The following BTBD9 variants were observed in gnomAD, a reference collection of about 807,000 sequenced individuals.
The protein encoded by BTBD9 is BTB/POZ domain-containing protein 9.
A neutral mutation model predicts 64.3 loss-of-function variants in BTBD9; 49 were observed. The observed-to-expected ratio is 0.76, with a 90% confidence interval of 0.61 to 0.97. The LOEUF (loss-of-function observed/expected upper bound fraction) is 0.97, where lower values mean the gene tolerates loss of function less well. BTBD9 is among the 50% of genes least tolerant of loss of function. The pLI, the probability that BTBD9 is intolerant of heterozygous loss-of-function variation, is 0.00. For missense variants in BTBD9, 598 were observed against 762.1 expected (o/e 0.78, Z 2.53); for synonymous variants, 260 against 274.7 (o/e 0.95, Z 0.53).
intron 6 of BTBD9, among the ~76,000 whole-genome samples, chr6:38,509,778 T>G (rs894086517): frequency 6.6e-6 from 1 of 152,194 alleles, no homozygotes; most frequent in Non-Finnish European, 1.5e-5. Flanking sequence ...GCAGCCTCAG[T>G]ATATATTTGT....
intron 6 of BTBD9, among the ~76,000 whole-genome samples, chr6:38,412,869 C>A (rs373557594): frequency 0.31 from 42,604 of 138,426 alleles, 6,376 homozygotes; most frequent in Non-Finnish European, 0.35. Context: ...AAAACAACAA[C>A]AACAACAACA....
chr6:38,525,389 G>A lies in BTBD9; in HGVS notation c.1154+52211C>T, dbSNP rs144695438. Among the ~76,000 whole-genome samples, 580 of 152,274 alleles carry A rather than the reference G, an allele frequency of 3.8e-3. 5 individuals are homozygous for A. The highest frequency in any genetic ancestry group is 0.013 in the African/African-American group (541 of 41,562). On this transcript the variant is annotated intron_variant, in intron 6 of 10. Transcript: ENST00000481247. ...AACCTCTGTCCTGTAAAAATTACCC[G>A]GTCTCAGGTAGTATCTTTATAGCAG...
chr6:38,263,694 A>G (rs1764868504), intron 8 of BTBD9, among the ~76,000 whole-genome samples: 1 of 152,260 alleles, frequency 6.6e-6, no homozygotes, highest in Non-Finnish European at 1.5e-5. Context: ...CAGGCTGTGC[A>G]GTCCAGGGAG....
chr6:38,531,151 A>G (rs953577582), intron 6 of BTBD9, among the ~76,000 whole-genome samples: 2 of 152,226 alleles, frequency 1.3e-5, no homozygotes, highest in East Asian at 3.9e-4. Flanking sequence ...AACCCAAAGA[A>G]GACTACCTGA....
chr6:38,299,239 CT>C (rs2127562280), intron 7 of BTBD9, among the ~76,000 whole-genome samples: 1 of 152,274 alleles, frequency 6.6e-6, no homozygotes, highest in African/African-American at 2.4e-5. Context: ...GCCACATTTT[CT>C]TAATCCAGTC....
At chr6:38,293,433 A>G (rs562931044) in intron 7 of BTBD9, among the ~76,000 whole-genome samples, 8 of 152,342 alleles carry the variant, frequency 5.3e-5, no homozygotes, top group African/African-American at 1.9e-4. Flanking sequence ...ACAAAGCTAC[A>G]GTAACCAAAA....
intron 6 of BTBD9, among the ~76,000 whole-genome samples, chr6:38,428,044 C>T (rs796658393): frequency 7.9e-5 from 12 of 151,908 alleles, no homozygotes; most frequent in African/African-American, 2.9e-4. Flanking sequence ...AAGCAGGCCC[C>T]TTCAAAGGAA....
chr6:38,255,978 C>T (rs1331172103), intron 9 of BTBD9, among the ~76,000 whole-genome samples: 17 of 151,600 alleles, frequency 1.1e-4, no homozygotes, highest in Non-Finnish European at 2.1e-4. Flanking sequence ...AAATGATGAG[C>T]TGATGGGTGC....
chr6:38,524,466 G>A (rs566885243), intron 6 of BTBD9, among the ~76,000 whole-genome samples: 1 of 152,246 alleles, frequency 6.6e-6, no homozygotes, highest in African/African-American at 2.4e-5. Flanking sequence ...TAAGCACGTA[G>A]CAAGAATTAA....
intron 6 of BTBD9, among the ~76,000 whole-genome samples, chr6:38,505,948 C>CA: frequency 1.0e-5 from 1 of 100,238 alleles, no homozygotes; most frequent in Non-Finnish European, 1.9e-5. Context: ...CTGGCAACAG[C>CA]ATGGCTCCGT....
intron 6 of BTBD9, among the ~76,000 whole-genome samples, chr6:38,399,398 G>C (rs1376715153): frequency 6.6e-6 from 1 of 152,102 alleles, no homozygotes; most frequent in Non-Finnish European, 1.5e-5. Flanking sequence ...ATAAAGACTT[G>C]TTTCTGCTAT....
intron 6 of BTBD9, among the ~76,000 whole-genome samples, chr6:38,427,450 C>T (rs1035752048): frequency 5.9e-5 from 9 of 152,012 alleles, no homozygotes; most frequent in African/African-American, 2.2e-4. Context: ...TTCCAGTGCA[C>T]AGCTGGAGCT....
At chr6:38,197,475 C>T (rs1262968533) in intron 9 of BTBD9, among the ~76,000 whole-genome samples, 2 of 152,166 alleles carry the variant, frequency 1.3e-5, no homozygotes, top group East Asian at 1.9e-4. Context: ...ACCTCATTTA[C>T]GTGTCTGTGT....
chr6:38,369,674 A>C (rs558809709), intron 6 of BTBD9, among the ~76,000 whole-genome samples: 1 of 152,374 alleles, frequency 6.6e-6, no homozygotes, highest in East Asian at 1.9e-4. Flanking sequence ...AGAGAGAAGG[A>C]ATACAAGAAA....
chr6:38,616,927 C>A (rs886261999), intron 1 of BTBD9, among the ~76,000 whole-genome samples: 1 of 152,182 alleles, frequency 6.6e-6, no homozygotes, highest in Non-Finnish European at 1.5e-5. Flanking sequence ...CAGGAACCCA[C>A]CAGCAGGAAC....
intron 9 of BTBD9, among the ~76,000 whole-genome samples, chr6:38,229,144 G>A (rs1763514324): frequency 6.6e-6 from 1 of 151,304 alleles, no homozygotes. Context: ...GTTGCAGTGA[G>A]TGGAGATCAC....
intron 8 of BTBD9, among the ~76,000 whole-genome samples, chr6:38,266,627 AAAG>A (rs1764998864): frequency 1.2e-5 from 1 of 82,936 alleles, no homozygotes; most frequent in East Asian, 2.4e-4. Flanking sequence ...AGAAAGAAAG[AAAG>A]AAAGAAAGAA....
intron 6 of BTBD9, among the ~76,000 whole-genome samples, chr6:38,545,888 ACACACACACACACT>A (rs1774533693): frequency 6.7e-6 from 1 of 149,812 alleles, no homozygotes; most frequent in Non-Finnish European, 1.5e-5. Context: ...ACACACACAC[ACACACACACACACT>A]GCTCCAGGGG....
At chr6:38,411,734 G>C (rs1767435524) in intron 6 of BTBD9, among the ~76,000 whole-genome samples, 1 of 152,062 alleles carries the variant, frequency 6.6e-6, no homozygotes, top group Non-Finnish European at 1.5e-5. Context: ...TGAGGAGTTT[G>C]AGACCAGCCT....
Sources: allele counts gnomAD v4.1 joint callset (sites outside exome capture counted in the v4.1 genomes callset), GRCh38; gene constraint gnomAD v4.1.1; transcripts MANE v1.5; gene names NCBI Gene and HGNC (gene_info 2026-07-23, HGNC 2026-07-21).